The following FGD6 variants were observed in gnomAD, a reference collection of about 807,000 sequenced individuals.
FGD6 encodes FYVE, RhoGEF and PH domain containing 6.
Under a neutral mutation model 149.4 loss-of-function variants are expected in FGD6, and 90 were observed. That is an observed-to-expected ratio of 0.60 (90% CI 0.51 to 0.72). FGD6 has a LOEUF of 0.72. FGD6 is among the 30% of genes least tolerant of loss of function. The pLI, the probability that FGD6 is intolerant of heterozygous loss-of-function variation, is 0.00. For synonymous variants in FGD6, 527 were observed against 584.0 expected (o/e 0.90, Z 1.41); for missense variants, 1,437 against 1,684.8 (o/e 0.85, Z 2.57).
At position 95,141,428 on chromosome 12, in the gene FGD6, G is replaced by A. The variant is rs769977036; in HGVS notation, c.2797C>T (p.Arg933Trp). Residue 933 changes from arginine to tryptophan, a missense_variant, in exon 6 of 21, where the codon CGG becomes TGG. Arg to Trp is a moderately radical substitution (Grantham distance 101). Coordinates refer to ENST00000343958, the MANE Select transcript of FGD6 (RefSeq NM_018351.4). The stretch of plus-strand genomic sequence containing the variant: ...TCCTCCAGTTCCTTCAAGAGATCCC[G>A]GTTGAGCTCATACAGCTGAGGCAAG... ...YYLPQLYELN[R>W]DLLKELEERM... 6.2e-6 allele frequency: 10 copies of A among 1,613,980 alleles called. No homozygotes were observed. Among genetic ancestry groups the A allele is most frequent in the East Asian group, 4.5e-5 (2 of 44,890 alleles).
At chr12:95,153,489 C>T (rs1421789514) in intron 3 of FGD6, among the ~76,000 whole-genome samples, 2 of 152,102 alleles carry the variant, frequency 1.3e-5, no homozygotes, top group African/African-American at 4.8e-5. Flanking sequence ...TGGAGAAACC[C>T]CGCCTCCACT....
At chr12:95,178,362 G>C (rs993820246) in intron 2 of FGD6, among the ~76,000 whole-genome samples, 1 of 152,232 alleles carries the variant, frequency 6.6e-6, no homozygotes, top group Non-Finnish European at 1.5e-5. Flanking sequence ...AGTTCAACCA[G>C]TGTGACTCCT....
intron 3 of FGD6, among the ~76,000 whole-genome samples, chr12:95,169,529 C>T (rs1337479794): frequency 6.6e-6 from 1 of 152,116 alleles, no homozygotes; most frequent in Admixed American, 6.6e-5. Flanking sequence ...GTCTCCACTG[C>T]CCACAGAATG....
intron 14 of FGD6, among the ~76,000 whole-genome samples, chr12:95,096,406 A>C (rs1345442765): frequency 6.6e-6 from 1 of 152,204 alleles, no homozygotes; most frequent in Non-Finnish European, 1.5e-5. Flanking sequence ...CTTTACAAAT[A>C]AAATTTTAAA....
Position 95,080,700 on chromosome 12 carries a change from G to A in FGD6, c.*820C>T, listed in dbSNP as rs142364231. ...CTTATAATAGCAGGGAATATTATGT[G>A]ACATAATGCTTGCTATATTTTGCTA... On this transcript the variant is annotated 3_prime_UTR_variant, in exon 21 of 21. Coordinates refer to ENST00000343958, the MANE Select transcript of FGD6 (RefSeq NM_018351.4). 1.1e-3 allele frequency: 162 copies of A among 152,220 alleles called. 1 individual carries two copies. The highest frequency in any genetic ancestry group is 3.7e-3 in the South Asian group (18 of 4,822). 9.4% of individuals were successfully genotyped at this position (152,220 alleles called of 1,614,324 possible).
At chr12:95,132,811 T>C (rs892698673) in intron 8 of FGD6, among the ~76,000 whole-genome samples, 5 of 152,158 alleles carry the variant, frequency 3.3e-5, no homozygotes, top group Admixed American at 3.3e-4. Context: ...AATTAATCTT[T>C]GCACTAAATT....
intron 14 of FGD6, among the ~76,000 whole-genome samples, chr12:95,095,291 T>C (rs1158448161): frequency 6.6e-6 from 1 of 152,152 alleles, no homozygotes; most frequent in African/African-American, 2.4e-5. Context: ...TCTCTGTCCC[T>C]ACCCAGCTCA....
intron 1 of FGD6, among the ~76,000 whole-genome samples, chr12:95,213,737 T>G (rs2056739303): frequency 6.6e-6 from 1 of 152,248 alleles, no homozygotes; most frequent in Admixed American, 6.5e-5. Flanking sequence ...CCTGTTCTAG[T>G]GTCACAGAAA....
intron 9 of FGD6, among the ~76,000 whole-genome samples, chr12:95,109,589 G>A (rs988021276): frequency 6.6e-6 from 1 of 152,070 alleles, no homozygotes; most frequent in Non-Finnish European, 1.5e-5. Flanking sequence ...GTGGCTGGGC[G>A]CGGTGGCTCA....
chr12:95,098,098 C>A (rs927068096), intron 14 of FGD6, among the ~76,000 whole-genome samples: 1 of 152,134 alleles, frequency 6.6e-6, no homozygotes, highest in Non-Finnish European at 1.5e-5. Flanking sequence ...CAGATCCTTA[C>A]AGAAACTGCC....
chr12:95,181,930 C>T (rs567396048), intron 2 of FGD6, among the ~76,000 whole-genome samples: 64 of 145,120 alleles, frequency 4.4e-4, no homozygotes, highest in Non-Finnish European at 8.4e-4. Context: ...AGAGACACAG[C>T]GAGATTCTCT....
chr12:95,091,187 G>A (rs1878043380), intron 17 of FGD6, among the ~76,000 whole-genome samples: 1 of 152,214 alleles, frequency 6.6e-6, no homozygotes, highest in Admixed American at 6.5e-5. Context: ...GTCCTGCTAA[G>A]CTGCATTCAT....
At chr12:95,153,989 T>G (rs1880392082) in intron 3 of FGD6, among the ~76,000 whole-genome samples, 1 of 151,498 alleles carries the variant, frequency 6.6e-6, no homozygotes, top group African/African-American at 2.4e-5. Flanking sequence ...AGACAGAGTC[T>G]CGCTCTGCTG....
intron 1 of FGD6, among the ~76,000 whole-genome samples, chr12:95,212,466 A>G (rs1037949289): frequency 6.6e-5 from 10 of 152,180 alleles, no homozygotes; most frequent in African/African-American, 2.2e-4. Context: ...TACACAACAG[A>G]CCTATAAAGC....
intron 3 of FGD6, among the ~76,000 whole-genome samples, chr12:95,168,164 T>C (rs1050756296): frequency 1.2e-4 from 19 of 152,330 alleles, no homozygotes; most frequent in African/African-American, 4.3e-4. Context: ...AGTTAGTAAG[T>C]GACAAATCTA....
At chr12:95,121,436 G>C (rs1488125354) in intron 8 of FGD6, among the ~76,000 whole-genome samples, 1 of 111,104 alleles carries the variant, frequency 9.0e-6, no homozygotes, top group East Asian at 2.5e-4. Context: ...GGTAATAAGA[G>C]TAAAATTCCG....
At chr12:95,167,890 G>C (rs1033157307) in intron 3 of FGD6, among the ~76,000 whole-genome samples, 3 of 151,912 alleles carry the variant, frequency 2.0e-5, no homozygotes, top group Non-Finnish European at 2.9e-5. Context: ...ACCGCACTGG[G>C]CCTGAGTTGT....
In FGD6 at chr12:95,210,586, T is replaced by C; in HGVS notation, c.698A>G (p.Glu233Gly). ...ADLSPSPSSF[E>G]KVPDHHSCHL... ...GCAACTGTGATGATCAGGAACTTTT[T>C]CAAAGCTGGATGGGGAAGGTGACAA... The change falls in exon 2 of 21, where the codon GAA (glutamate) becomes GGA (glycine). Residue 233 changes from glutamate (E) to glycine (G), a missense_variant. Glu to Gly is a moderately conservative substitution (Grantham distance 98). This residue lies in a region of FGD6 where 1,055 missense variants were observed against 1,146.0 expected (regional missense o/e 0.92). Coordinates refer to ENST00000343958, the MANE Select transcript of FGD6 (RefSeq NM_018351.4). 6.2e-7 allele frequency: 1 copy of C among 1,614,218 alleles called. No individual in the cohort carries two copies. Among genetic ancestry groups the C allele is most frequent in the Non-Finnish European group, 8.5e-7 (1 of 1,180,034 alleles).
intron 5 of FGD6, among the ~76,000 whole-genome samples, chr12:95,149,598 G>A (rs946726862): frequency 7.1e-6 from 1 of 140,506 alleles, no homozygotes; most frequent in African/African-American, 2.6e-5. Context: ...GTTCAAAACT[G>A]TAGTGAGCTG....
Sources: allele counts gnomAD v4.1 joint callset (sites outside exome capture counted in the v4.1 genomes callset), GRCh38; gene constraint gnomAD v4.1.1; regional missense constraint gnomAD v4.1.1; transcripts MANE v1.5; gene names NCBI Gene and HGNC (gene_info 2026-07-23, HGNC 2026-07-21).